The following SPATS2 variants were observed in gnomAD, a reference collection of about 807,000 sequenced individuals.
SPATS2 encodes the protein spermatogenesis associated serine rich 2.
In SPATS2, 38 loss-of-function variants were observed where a neutral mutation model predicts 63.7. The ratio of observed to expected loss-of-function variants is 0.60; its 90% CI spans 0.46 to 0.78. The LOEUF (loss-of-function observed/expected upper bound fraction) is 0.78, where lower values mean the gene tolerates loss of function less well. Ranked by LOEUF, SPATS2 falls within the 30% of genes least tolerant of loss-of-function variation. The probability of loss-of-function intolerance (pLI) is 0.00; values close to 1 mark genes in which losing one functional copy is unlikely to be tolerated. For missense variants in SPATS2, 588 were observed against 666.2 expected (o/e 0.88, Z 1.29); for synonymous variants, 207 against 232.9 (o/e 0.89, Z 1.01).
intron 9 of SPATS2, among the ~76,000 whole-genome samples, chr12:49,512,640 C>T (rs1019283393): frequency 6.6e-6 from 1 of 152,208 alleles, no homozygotes; most frequent in Non-Finnish European, 1.5e-5. Context: ...AAAGTGTCAT[C>T]TGACATTCTA....
intron 2 of SPATS2, among the ~76,000 whole-genome samples, chr12:49,445,676 C>T (rs1272060310): frequency 1.3e-5 from 2 of 151,884 alleles, no homozygotes; most frequent in Non-Finnish European, 2.9e-5. Flanking sequence ...TGTCACCACA[C>T]CTGGCTAATT....
At chr12:49,390,177 G>A in intron 2 of SPATS2, 2 of 1,468,738 alleles carry the variant, frequency 1.4e-6, no homozygotes, top group South Asian at 2.4e-5. Flanking sequence ...GAGCTTCTGA[G>A]TCTGTGAGCT....
chr12:49,504,813 T>C (rs1192004816), intron 9 of SPATS2, among the ~76,000 whole-genome samples: 1 of 139,802 alleles, frequency 7.2e-6, no homozygotes, highest in Non-Finnish European at 1.5e-5. Flanking sequence ...CTGTTGACCA[T>C]ACTGGAGTGT....
intron 2 of SPATS2, among the ~76,000 whole-genome samples, chr12:49,431,073 G>A (rs1945176850): frequency 6.6e-6 from 1 of 152,078 alleles, no homozygotes; most frequent in Non-Finnish European, 1.5e-5. Flanking sequence ...TAAAAAGGTA[G>A]ACTGAAAAGT....
intron 3 of SPATS2, chr12:49,462,267 CCT>C (rs751913405): frequency 7.1e-6 from 5 of 702,146 alleles, no homozygotes; most frequent in Non-Finnish European, 1.0e-5. Flanking sequence ...TCTCTCAACT[CCT>C]CACAGGAAGG....
intron 2 of SPATS2, among the ~76,000 whole-genome samples, chr12:49,403,685 C>T (rs76969526): frequency 0.042 from 6,340 of 151,602 alleles, 174 homozygotes; most frequent in Non-Finnish European, 0.059. Flanking sequence ...ATTTTCTATT[C>T]CCTGTTTCCT....
rs774062635 is a variant in SPATS2, at chr12:49,519,101, G to A, written c.927G>A (p.Lys309=). The A allele has an allele frequency of 2.5e-6, 4 of 1,613,884 alleles. No homozygotes were observed. The East Asian group carries it at 6.7e-5, about 27-fold the overall frequency. Reference sequence around the variant, plus strand: ...AAATTTTGCTCAGCCGACAAAAGAAGGCTGAACTTCTAAAGAAGATGACTC... The same window carrying A: ...AAATTTTGCTCAGCCGACAAAAGAAAGCTGAACTTCTAAAGAAGATGACTC... The part of the protein sequence containing the change: ...AMEILLSRQK[K]AELLKKMTHV... The change falls in exon 11 of 14, where the codon AAG becomes AAA. Residue 309 remains lysine (K), a synonymous_variant. Transcript: ENST00000552918.
intron 2 of SPATS2, among the ~76,000 whole-genome samples, chr12:49,452,252 C>A (rs577501499): frequency 6.6e-6 from 1 of 152,248 alleles, no homozygotes; most frequent in South Asian, 2.1e-4. Context: ...TGACATTGTT[C>A]CACACATTTC....
At chr12:49,423,310 T>G (rs1459436776) in intron 2 of SPATS2, among the ~76,000 whole-genome samples, 1 of 152,062 alleles carries the variant, frequency 6.6e-6, no homozygotes, top group Non-Finnish European at 1.5e-5. Context: ...TTTTGTAGTT[T>G]TAGTAGAGAC....
At chr12:49,478,762 T>C (rs1946159006) in intron 3 of SPATS2, among the ~76,000 whole-genome samples, 1 of 152,168 alleles carries the variant, frequency 6.6e-6, no homozygotes, top group African/African-American at 2.4e-5. Flanking sequence ...CATGGTGAAA[T>C]TGTTACGGAT....
intron 2 of SPATS2, among the ~76,000 whole-genome samples, chr12:49,420,582 C>G (rs1334530149): frequency 6.6e-6 from 1 of 151,146 alleles, no homozygotes; most frequent in Non-Finnish European, 1.5e-5. Context: ...GACCCCATCT[C>G]AAAAAATAAA....
In SPATS2 at chr12:49,367,547, C is replaced by G; in HGVS notation, c.-347C>G. On this transcript the variant is annotated 5_prime_UTR_variant, in exon 1 of 14. Transcript: ENST00000552918. ...CCGGGAGCGTCCGGGACGCGGAGCC[C>G]GGAGCTGGGGCGACGAGGCGATTGC... The G allele has an allele frequency of 2.5e-6, 1 of 396,044 alleles. No homozygotes were observed. 24.5% of individuals were successfully genotyped at this position (396,044 alleles called of 1,614,324 possible). A position where few individuals can be genotyped will look rare whatever the true frequency, so the allele number is the denominator to read the frequency against.
At chr12:49,418,921 GTA>G (rs1164371483) in intron 2 of SPATS2, among the ~76,000 whole-genome samples, 2 of 152,202 alleles carry the variant, frequency 1.3e-5, no homozygotes, top group Non-Finnish European at 2.9e-5. Flanking sequence ...TTGAACTAGT[GTA>G]AATCAGAAGA....
chr12:49,452,471 G>A (rs774990087), intron 2 of SPATS2, among the ~76,000 whole-genome samples: 35 of 152,198 alleles, frequency 2.3e-4, no homozygotes, highest in African/African-American at 7.5e-4. Context: ...TAGAGACAGC[G>A]TCTCACTGTG....
At chr12:49,447,090 G>A (rs1236552763) in intron 2 of SPATS2, among the ~76,000 whole-genome samples, 2 of 151,622 alleles carry the variant, frequency 1.3e-5, no homozygotes, top group African/African-American at 2.4e-5. Context: ...CACCATGCCC[G>A]GCTAAGTTTT....
Position 49,506,408 on chromosome 12 carries a change from A to G in SPATS2, c.839+6203A>G, listed in dbSNP as rs141360650. ...AAGGAGGAGCAAAGTCACATCTTACATGGTGGCAGCCAAGAGAGCTTGTGC... is the reference window on the plus strand; with the variant it reads ...AAGGAGGAGCAAAGTCACATCTTACGTGGTGGCAGCCAAGAGAGCTTGTGC... On this transcript the variant is annotated intron_variant, in intron 9 of 13. Coordinates refer to ENST00000552918, the MANE Select transcript of SPATS2 (RefSeq NM_023071.4). Among the ~76,000 whole-genome samples, 72 of 152,324 alleles carry G rather than the reference A, an allele frequency of 4.7e-4. No individual in the cohort carries two copies. The South Asian group carries it at 0.012, about 26-fold the overall frequency.
intron 9 of SPATS2, among the ~76,000 whole-genome samples, chr12:49,513,474 C>T (rs1380391581): frequency 6.6e-6 from 1 of 152,102 alleles, no homozygotes; most frequent in African/African-American, 2.4e-5. Flanking sequence ...CTACTGTCTC[C>T]TTATACATTG....
chr12:49,501,815 C>T (rs1946572272), intron 9 of SPATS2, among the ~76,000 whole-genome samples: 1 of 152,100 alleles, frequency 6.6e-6, no homozygotes, highest in African/African-American at 2.4e-5. Context: ...GATGGGGTTT[C>T]ACCATGTTGG....
chr12:49,469,457 G>A, intron 3 of SPATS2: 1 of 358,814 alleles, frequency 2.8e-6, no homozygotes, highest in Non-Finnish European at 5.4e-6. Flanking sequence ...ATATTTGGGA[G>A]GTTGAGGCAG....
Sources: gnomAD v4.1 joint callset for allele counts (sites outside exome capture counted in the v4.1 genomes callset) on GRCh38, gnomAD v4.1.1 for gene constraint, MANE v1.5 for transcripts, NCBI Gene and HGNC (gene_info 2026-07-23, HGNC 2026-07-21) for gene names.